CYTH3: variants seen among roughly 807,000 people sequenced by gnomAD.
CYTH3 encodes the protein cytohesin-3.
CYTH3 carries 23 observed loss-of-function variants against 55.1 expected under a neutral mutation model. That is an observed-to-expected ratio of 0.42 (90% CI 0.30 to 0.59). The LOEUF (loss-of-function observed/expected upper bound fraction) is 0.59, where lower values mean the gene tolerates loss of function less well. Ranked by LOEUF, CYTH3 falls within the 20% of genes least tolerant of loss-of-function variation. CYTH3 has a pLI of 0.20. For missense variants in CYTH3, 413 were observed against 524.8 expected, an observed-to-expected ratio of 0.79 and a Z score of 2.08; for synonymous variants, 249 against 194.9, an observed-to-expected ratio of 1.28 and a Z score of -2.31.
intron 1 of CYTH3, among the ~76,000 whole-genome samples, chr7:6,236,994 G>A (rs151082134): frequency 3.9e-5 from 6 of 152,306 alleles, no homozygotes; most frequent in Admixed American, 2.6e-4. Context: ...ATCAGCTTCC[G>A]AGTTTTGGTG....
Position 6,177,822 on chromosome 7 carries a change from C to T in CYTH3, c.368+1G>A. 2.5e-6 allele frequency: 4 copies of T among 1,611,774 alleles called. No homozygotes were observed. Among genetic ancestry groups the T allele is most frequent in the Non-Finnish European group, 3.4e-6 (4 of 1,177,916 alleles). ...GGGCTTTGCATCCTCCTCTAACTCA[C>T]CTTTCACCCAGGTAGTCCCCAATGA... On this transcript the variant is annotated splice_donor_variant, in intron 5 of 12. Coordinates refer to ENST00000350796, the MANE Select transcript of CYTH3 (RefSeq NM_004227.4). LOFTEE classifies it high-confidence loss of function.
intron 12 of CYTH3, 34 bp from the exon 13 acceptor site, chr7:6,165,050 G>A (rs757910661): frequency 1.2e-5 from 19 of 1,612,020 alleles, no homozygotes; most frequent in Admixed American, 1.7e-5. Flanking sequence ...AGGTTAGGTC[G>A]TGGGTGACAC....
intron 1 of CYTH3, among the ~76,000 whole-genome samples, chr7:6,256,770 T>A (rs1780136736): frequency 6.6e-6 from 1 of 152,170 alleles, no homozygotes; most frequent in Non-Finnish European, 1.5e-5. Context: ...TGGGCACTTG[T>A]CAGGCAGAGC....
intron 1 of CYTH3, among the ~76,000 whole-genome samples, chr7:6,252,675 T>C (rs1170334656): frequency 6.6e-6 from 1 of 152,236 alleles, no homozygotes; most frequent in African/African-American, 2.4e-5. Context: ...TAAAGCTCTT[T>C]TTTTAAATCA....
At chr7:6,189,759 G>A (rs1783750874) in intron 2 of CYTH3, among the ~76,000 whole-genome samples, 1 of 152,078 alleles carries the variant, frequency 6.6e-6, no homozygotes, top group African/African-American at 2.4e-5. Context: ...ATTGGTGGCT[G>A]GGCGCAGTGG....
chr7:6,268,987 G>A (rs1418193411), intron 1 of CYTH3, among the ~76,000 whole-genome samples: 1 of 152,216 alleles, frequency 6.6e-6, no homozygotes, highest in East Asian at 1.9e-4. Context: ...GGACCAAGGG[G>A]CAGGAGCTGG....
At chr7:6,199,846 T>G (rs1033752298) in intron 1 of CYTH3, among the ~76,000 whole-genome samples, 32 of 152,120 alleles carry the variant, frequency 2.1e-4, no homozygotes, top group African/African-American at 7.2e-4. Flanking sequence ...GAACAAAGGT[T>G]GGGAGGGAGA....
At chr7:6,241,917 A>G (rs1338431066) in intron 1 of CYTH3, among the ~76,000 whole-genome samples, 1 of 152,252 alleles carries the variant, frequency 6.6e-6, no homozygotes, top group Non-Finnish European at 1.5e-5. Flanking sequence ...CATTTTTATT[A>G]TAATTGCATA....
At chr7:6,174,316 T>C (rs992083030) in intron 5 of CYTH3, among the ~76,000 whole-genome samples, 1 of 151,380 alleles carries the variant, frequency 6.6e-6, no homozygotes. Context: ...GGTTTCTCCA[T>C]GTTGGTCAGG....
At chr7:6,178,692 A>G (rs1227122320) in intron 4 of CYTH3, among the ~76,000 whole-genome samples, 1 of 152,200 alleles carries the variant, frequency 6.6e-6, no homozygotes, top group Non-Finnish European at 1.5e-5. Flanking sequence ...TGTGTAAGAT[A>G]CATTTTGTTG....
At chr7:6,196,982 C>T (rs909736533) in intron 1 of CYTH3, among the ~76,000 whole-genome samples, 4 of 152,138 alleles carry the variant, frequency 2.6e-5, no homozygotes, top group African/African-American at 9.7e-5. Context: ...TTTCTGTTTC[C>T]TTTTTAAGAA....
At chr7:6,224,536 T>C (rs1239218040) in intron 1 of CYTH3, among the ~76,000 whole-genome samples, 7 of 152,168 alleles carry the variant, frequency 4.6e-5, no homozygotes, top group African/African-American at 1.7e-4. Context: ...AAAACTAGGA[T>C]GGCTATACTT....
At chr7:6,266,384 G>A (rs535091615) in intron 1 of CYTH3, among the ~76,000 whole-genome samples, 1 of 152,278 alleles carries the variant, frequency 6.6e-6, no homozygotes, top group African/African-American at 2.4e-5. Flanking sequence ...AATAAATTAA[G>A]ACGCAGAAAG....
chr7:6,258,893 T>C (rs1780204175), intron 1 of CYTH3, among the ~76,000 whole-genome samples: 1 of 152,238 alleles, frequency 6.6e-6, no homozygotes, highest in Admixed American at 6.5e-5. Flanking sequence ...ATTGTGGTTT[T>C]ACAGAATCTC....
At chr7:6,265,989 C>T (rs1363965523) in intron 1 of CYTH3, among the ~76,000 whole-genome samples, 2 of 152,144 alleles carry the variant, frequency 1.3e-5, no homozygotes, top group African/African-American at 4.8e-5. Flanking sequence ...TATGTCAATT[C>T]TGAGTAGTGG....
chr7:6,225,165 G>A (rs1583176623), intron 1 of CYTH3, among the ~76,000 whole-genome samples: 1 of 152,046 alleles, frequency 6.6e-6, no homozygotes, highest in African/African-American at 2.4e-5. Flanking sequence ...TATCATTATT[G>A]AATGTCTATT....
intron 4 of CYTH3, 109 bp downstream of exon 4, chr7:6,186,941 T>G: frequency 2.7e-6 from 3 of 1,115,968 alleles, no homozygotes; most frequent in Non-Finnish European, 4.0e-6. Flanking sequence ...CCCAGTCTTT[T>G]ATGAGGTGAC....
At position 6,170,677 on chromosome 7, in the gene CYTH3, G is replaced by C. The variant is rs367857058; in HGVS notation, c.712-31C>G. 5.6e-6 allele frequency: 9 copies of C among 1,602,610 alleles called. No individual in the cohort carries two copies. Among genetic ancestry groups the C allele is most frequent in the South Asian group, 3.3e-5 (3 of 89,780 alleles). ...AGGAGGGAAAACAGCAGCCAGTTCA[G>C]AGACTCGGAGGAAAATGGCTGGCCG... On this transcript the variant is annotated intron_variant, in intron 8 of 12. Transcript: ENST00000350796. This position sits in a 1 kb window ranked among gnomAD's most constrained non-coding sequence, Gnocchi z 7.8.
chr7:6,239,274 AAGAG>A (rs769097980), intron 1 of CYTH3, among the ~76,000 whole-genome samples: 1 of 152,072 alleles, frequency 6.6e-6, no homozygotes, highest in Non-Finnish European at 1.5e-5. Context: ...AGGGAAATGG[AAGAG>A]AGAAAGAGAA....
Sources: gnomAD v4.1 joint callset for allele counts (sites outside exome capture counted in the v4.1 genomes callset) on GRCh38, gnomAD v4.1.1 for gene constraint, Gnocchi (gnomAD v3.1) non-coding constraint, MANE v1.5 for transcripts, NCBI Gene and HGNC (gene_info 2026-07-23, HGNC 2026-07-21) for gene names.